Variants in TGM5 observed in about 807,000 individuals in gnomAD.
The protein encoded by TGM5 is transglutaminase 5.
In TGM5, 69 loss-of-function variants were observed where a neutral mutation model predicts 77.2. The ratio of observed to expected loss-of-function variants is 0.89; its 90% CI spans 0.74 to 1.09. The LOEUF is 1.09. Ranked by LOEUF, TGM5 falls within the 50% of genes least tolerant of loss-of-function variation. The pLI, the probability that TGM5 is intolerant of heterozygous loss-of-function variation, is 0.00. For synonymous variants in TGM5, 346 were observed against 351.8 expected (o/e 0.98, Z 0.18); for missense variants, 842 against 896.5 (o/e 0.94, Z 0.78).
At chr15:43,237,973 A>T (rs1367148683) in intron 9 of TGM5, among the ~76,000 whole-genome samples, 2 of 152,220 alleles carry the variant, frequency 1.3e-5, no homozygotes, top group African/African-American at 2.4e-5. Flanking sequence ...GGCCCCAGGG[A>T]GTGGGTGGTG....
intron 1 of TGM5, 141 bp downstream of exon 1, chr15:43,266,699 T>G: frequency 8.9e-7 from 1 of 1,118,078 alleles, no homozygotes; most frequent in Non-Finnish European, 1.3e-6. Context: ...TACTGAGGTT[T>G]CTGGGATTCT....
chr15:43,256,111 T>A (rs2042740461), intron 4 of TGM5, among the ~76,000 whole-genome samples: 1 of 152,246 alleles, frequency 6.6e-6, no homozygotes, highest in Non-Finnish European at 1.5e-5. Flanking sequence ...TCAGCCCTGC[T>A]TCTGGCTGAG....
At chr15:43,258,877 C>T (rs2042763608) in intron 3 of TGM5, among the ~76,000 whole-genome samples, 2 of 152,048 alleles carry the variant, frequency 1.3e-5, no homozygotes, top group Non-Finnish European at 1.5e-5. Flanking sequence ...GAGAGAGATA[C>T]GAGACAGAGA....
intron 3 of TGM5, among the ~76,000 whole-genome samples, 199 bp downstream of exon 3, chr15:43,259,853 A>G (rs1325684382): frequency 6.6e-6 from 1 of 152,272 alleles, no homozygotes; most frequent in African/African-American, 2.4e-5. Context: ...GATTTGGTTT[A>G]TAACTTGAAA....
At chr15:43,233,831 A>C (rs564117961) in intron 11 of TGM5, 144 bp from the exon 12 acceptor site, 2 of 981,388 alleles carry the variant, frequency 2.0e-6, no homozygotes, top group South Asian at 1.4e-5. Context: ...AGCCGAAGAC[A>C]ATTGAGAAGA....
At position 43,235,641 on chromosome 15, in the gene TGM5, G is replaced by C; in HGVS notation, c.1542C>G (p.Leu514=). Residue 514 remains leucine (L), a synonymous_variant, in exon 10 of 13, where the codon CTC becomes CTG. Transcript: ENST00000220420. ...TATCCTGGCCCATGTTGGGCGGGTC[G>C]AGCAGCTTGAATTTCAGGGAGACTT... The part of the protein sequence containing the change: ...VVQVSLKFKL[L]DPPNMGQDIC... 1 of 1,614,132 alleles carries C rather than the reference G, an allele frequency of 6.2e-7. No homozygotes were observed. The highest frequency in any genetic ancestry group is 8.5e-7 in the Non-Finnish European group (1 of 1,180,026).
chr15:43,263,855 C>T (rs538943447), intron 1 of TGM5, among the ~76,000 whole-genome samples: 2 of 152,088 alleles, frequency 1.3e-5, no homozygotes, highest in Non-Finnish European at 2.9e-5. Context: ...TCAAGAACAT[C>T]GTCAAGAAAG....
intron 6 of TGM5, among the ~76,000 whole-genome samples, chr15:43,246,136 G>T (rs897930689): frequency 1.3e-5 from 2 of 152,104 alleles, no homozygotes; most frequent in African/African-American, 4.8e-5. Flanking sequence ...AGAGGCATAA[G>T]ACCAACAATA....
chr15:43,254,593 C>T (rs2142375541), intron 4 of TGM5, among the ~76,000 whole-genome samples: 1 of 152,264 alleles, frequency 6.6e-6, no homozygotes, highest in South Asian at 2.1e-4. Context: ...ATAAGTTCCT[C>T]CCAGATCTGG....
At position 43,234,848 on chromosome 15, in the gene TGM5, A is replaced by C; in HGVS notation, c.1796T>G (p.Leu599Arg). ...STDKLIRISA[L>R]GEEKSSPEKI... ...CTCAGGACTGCTTTTCTCTTCACCC[A>C]GGGCACTGATGCGGATCAGCTTGTC... The change falls in exon 11 of 13, where the codon CTG becomes CGG. Residue 599 changes from leucine to arginine, a missense_variant. Leu to Arg is a moderately radical substitution (Grantham distance 102). Around this residue, in one of 2 missense-constraint regions of TGM5, gnomAD observed 815 missense variants for 844.6 expected, o/e 0.96. Transcript: ENST00000220420. The C allele has an allele frequency of 3.7e-6, 6 of 1,614,228 alleles. No individual in the cohort carries two copies. Among genetic ancestry groups the C allele is most frequent in the Non-Finnish European group, 5.1e-6 (6 of 1,180,040 alleles).
chr15:43,233,776 G>A, intron 11 of TGM5, 89 bp from the exon 12 acceptor site: 1 of 1,468,104 alleles, frequency 6.8e-7, no homozygotes, highest in Non-Finnish European at 9.4e-7. Flanking sequence ...AAGGTGGCAG[G>A]ATATGCCACC....
chr15:43,240,005 T>A (rs2042622832), intron 7 of TGM5, among the ~76,000 whole-genome samples: 1 of 152,018 alleles, frequency 6.6e-6, no homozygotes, highest in East Asian at 1.9e-4. Context: ...TGTCTCTCAG[T>A]CTCATTTACC....
chr15:43,255,503 A>G (rs938148390), intron 4 of TGM5, among the ~76,000 whole-genome samples: 10 of 152,080 alleles, frequency 6.6e-5, no homozygotes, highest in Non-Finnish European at 1.5e-4. Context: ...TGGGGATGTG[A>G]GTTGGGGCCA....
chr15:43,239,995 T>C (rs865881483), intron 7 of TGM5, among the ~76,000 whole-genome samples: 1 of 152,198 alleles, frequency 6.6e-6, no homozygotes, highest in African/African-American at 2.4e-5. Flanking sequence ...CCTGTCTTCC[T>C]GTCTCTCAGT....
chr15:43,261,090 T>TTTTTTTTTTTTTTTTTTTTTTTTG (rs2042786497), intron 1 of TGM5, among the ~76,000 whole-genome samples: 3 of 97,118 alleles, frequency 3.1e-5, no homozygotes, highest in African/African-American at 1.0e-4. Flanking sequence ...TTTTTTTTTT[T>TTTTTTTTTTTTTTTTTTTTTTTTG]TTTTTTTTTT....
chr15:43,256,525 A>G (rs1279286010), intron 4 of TGM5, 43 bp downstream of exon 4: 1 of 1,498,038 alleles, frequency 6.7e-7, no homozygotes, highest in African/African-American at 1.4e-5. Flanking sequence ...CTCTCCCCAC[A>G]AGCTCGGGGC....
intron 10 of TGM5, 30 bp downstream of exon 10, chr15:43,235,439 T>C (rs781134460): frequency 1.2e-6 from 2 of 1,613,948 alleles, no homozygotes; most frequent in Non-Finnish European, 1.7e-6. Flanking sequence ...CAAAACCAAC[T>C]CTGCGTACAC....
chr15:43,252,803 A>C lies in TGM5; in HGVS notation c.818T>G (p.Val273Gly). ...AAAGACCCAGCATTGCCCGTAGCGC[A>C]CGGGCTGGCAGCCTGTGGCGTTCCA... ...KQWNATGCQP[V>G]RYGQCWVFAA... is the part of the protein sequence containing the mutation. Residue 273 changes from valine (V) to glycine (G), a missense_variant, in exon 6 of 13, where the codon GTG becomes GGG. Val to Gly is a moderately radical substitution (Grantham distance 109). Around this residue, in one of 2 missense-constraint regions of TGM5, gnomAD observed 815 missense variants for 844.6 expected, o/e 0.96. Transcript: ENST00000220420. 1 of 1,614,058 alleles carries C rather than the reference A, an allele frequency of 6.2e-7. No individual in the cohort carries two copies. The highest frequency in any genetic ancestry group is 1.1e-5 in the South Asian group (1 of 91,084).
rs1468422623 is a variant in TGM5, at chr15:43,233,219, C to T, written c.2135G>A (p.Arg712Lys). The T allele has an allele frequency of 6.2e-7, 1 of 1,614,194 alleles. No individual in the cohort carries two copies. ...SNKFKDIKGY[R>K]NVYVDFAL is the part of the protein sequence containing the mutation. ...TAATGCAAAGTCTACATAAACATTC[C>T]TGTAACCCTTAATGTCCTTAAACTT... Residue 712 changes from arginine (R) to lysine (K), a missense_variant, in exon 13 of 13, where the codon AGG (arginine) becomes AAG (lysine). Physicochemically the swap from Arg to Lys is conservative, Grantham distance 26. This residue lies in a region of TGM5 where 27 missense variants were observed against 51.8 expected (regional missense o/e 0.52). Coordinates refer to ENST00000220420, the MANE Select transcript of TGM5 (RefSeq NM_201631.4).
Sources: gnomAD v4.1 joint callset for allele counts (sites outside exome capture counted in the v4.1 genomes callset) on GRCh38, gnomAD v4.1.1 for gene constraint, gnomAD v4.1.1 regional missense constraint, MANE v1.5 for transcripts, NCBI Gene and HGNC (gene_info 2026-07-23, HGNC 2026-07-21) for gene names.